Variants in DMD observed in about 807,000 individuals in gnomAD.
DMD encodes dystrophin, also known as mutant dystrophin.
A neutral mutation model predicts 330.1 loss-of-function variants in DMD; 63 were observed. The ratio of observed to expected loss-of-function variants is 0.19; its 90% CI spans 0.16 to 0.24. The LOEUF (loss-of-function observed/expected upper bound fraction) is 0.24, where lower values mean the gene tolerates loss of function less well. DMD is among the 10% of genes least tolerant of loss of function. The pLI is 1.00. For missense variants in DMD, 3,344 were observed against 2,684.1 expected (o/e 1.25, Z -5.43); for synonymous variants, 1,223 against 959.8 (o/e 1.27, Z -5.07).
chrX:32,802,204 C>A (rs1257041460), intron 7 of DMD, among the ~76,000 whole-genome samples: 1 of 111,516 alleles, frequency 9.0e-6, no homozygotes, highest in African/African-American at 3.3e-5. Flanking sequence ...GTTTGTAGTT[C>A]TCCTTGAAGA....
In DMD at chrX:32,508,879, T is replaced by C. The variant is rs777085000; in HGVS notation, c.2293-7037A>G. Among the ~76,000 whole-genome samples the C allele has an allele frequency of 2.8e-3, 312 of 110,731 alleles. 2 individuals are homozygous for C. Among genetic ancestry groups the C allele is most frequent in the Middle Eastern group, 9.4e-3 (2 of 213 alleles). On this transcript the variant is annotated intron_variant, in intron 18 of 78. Transcript: ENST00000357033. Reference sequence around the variant, plus strand: ...AGGCTGGAGTGCAGTGGCGCAATCTTGGCTCACTGCAAGCTCCGCCTCCCG... The same window carrying C: ...AGGCTGGAGTGCAGTGGCGCAATCTCGGCTCACTGCAAGCTCCGCCTCCCG...
intron 2 of DMD, among the ~76,000 whole-genome samples, chrX:32,850,063 T>C (rs1200656414): frequency 8.9e-6 from 1 of 111,981 alleles, no homozygotes; most frequent in Non-Finnish European, 1.9e-5. Flanking sequence ...ATACCCTAAA[T>C]GATCTAATTA....
chrX:31,955,194 A>C (rs1288917263), intron 45 of DMD, among the ~76,000 whole-genome samples: 1 of 111,149 alleles, frequency 9.0e-6, no homozygotes. Flanking sequence ...AAAGTTCATA[A>C]AAGCATATCA....
At chrX:32,967,013 T>A (rs1327368392) in intron 2 of DMD, among the ~76,000 whole-genome samples, 1 of 111,756 alleles carries the variant, frequency 8.9e-6, no homozygotes, top group African/African-American at 3.3e-5. Context: ...TAGGTTACAA[T>A]AAAATTCATG....
intron 53 of DMD, among the ~76,000 whole-genome samples, chrX:31,662,540 GT>G (rs1460683690): frequency 8.9e-6 from 1 of 112,192 alleles, no homozygotes; most frequent in Non-Finnish European, 1.9e-5. Context: ...TTTAAAATGT[GT>G]TTTGTGATAT....
intron 59 of DMD, among the ~76,000 whole-genome samples, chrX:31,476,391 GTGTGTGTA>G (rs1303671893): frequency 2.4e-5 from 2 of 82,725 alleles, no homozygotes; most frequent in Admixed American, 1.3e-4. Flanking sequence ...ATGTATGTGT[GTGTGTGTA>G]TATATATATA....
In DMD at chrX:32,340,523, T is replaced by G. The variant is rs752892338; in HGVS notation, c.5922+1577A>C. On this transcript the variant is annotated intron_variant, in intron 41 of 78. Transcript: ENST00000357033. ...AGTGGTTTATGGAGATTTTTGATCC[T>G]GTGCCTATTTAGCCATAAAGCATTA... Among the ~76,000 whole-genome samples, 3 of 111,575 alleles carry G rather than the reference T, an allele frequency of 2.7e-5. No individual in the cohort carries two copies. The South Asian group carries it at 1.1e-3, about 41-fold the overall frequency.
intron 2 of DMD, among the ~76,000 whole-genome samples, chrX:32,939,385 T>C (rs186619453): frequency 2.7e-5 from 3 of 110,289 alleles, no homozygotes; most frequent in Admixed American, 9.7e-5. Flanking sequence ...CTTCCTTATA[T>C]TGGCCAACCA....
At chrX:33,324,466 A>G (rs1284117762) in intron 1 of DMD, among the ~76,000 whole-genome samples, 1 of 111,997 alleles carries the variant, frequency 8.9e-6, no homozygotes, top group African/African-American at 3.2e-5. Context: ...CTTAATGCAT[A>G]CAGATTTTTG....
At chrX:32,150,709 A>G (rs1302238576) in intron 44 of DMD, among the ~76,000 whole-genome samples, 1 of 111,777 alleles carries the variant, frequency 8.9e-6, no homozygotes, top group Non-Finnish European at 1.9e-5. Context: ...AATTTCTGAT[A>G]TTTCTTTCAT....
intron 16 of DMD, among the ~76,000 whole-genome samples, chrX:32,563,678 A>G (rs902268667): frequency 4.5e-5 from 5 of 111,746 alleles, no homozygotes; most frequent in African/African-American, 9.8e-5. Context: ...TTTTCTACCA[A>G]TTGGAATAAT....
intron 1 of DMD, among the ~76,000 whole-genome samples, chrX:33,204,441 C>G (rs2051451771): frequency 8.9e-6 from 1 of 111,766 alleles, no homozygotes; most frequent in South Asian, 3.7e-4. Context: ...CAACTATACT[C>G]TAACCTCATT....
intron 43 of DMD, among the ~76,000 whole-genome samples, chrX:32,269,650 AAT>A (rs1172584307): frequency 3.6e-5 from 4 of 111,855 alleles, no homozygotes; most frequent in Non-Finnish European, 5.6e-5. Context: ...TCACCATCAC[AAT>A]ATGAGTATTA....
intron 56 of DMD, 61 bp downstream of exon 56, chrX:31,507,220 A>G (rs2071035532): frequency 1.8e-6 from 2 of 1,123,613 alleles, no homozygotes; most frequent in African/African-American, 3.6e-5. Context: ...TGCTAAGACA[A>G]TGAGGAAAAT....
At chrX:31,860,873 T>A (rs887683277) in intron 48 of DMD, among the ~76,000 whole-genome samples, 19 of 112,235 alleles carry the variant, frequency 1.7e-4, no homozygotes, top group African/African-American at 6.1e-4. Flanking sequence ...AAAAATTTTT[T>A]AAATCTCTAC....
At chrX:32,775,708 G>A (rs141578589) in intron 7 of DMD, among the ~76,000 whole-genome samples, 65 of 113,025 alleles carry the variant, frequency 5.8e-4, no homozygotes, top group African/African-American at 1.9e-3. Flanking sequence ...TCCCTTCTAG[G>A]CCTCTGGGCC....
intron 1 of DMD, among the ~76,000 whole-genome samples, chrX:33,056,759 C>T (rs1240135927): frequency 9.0e-6 from 1 of 111,706 alleles, no homozygotes; most frequent in Non-Finnish European, 1.9e-5. Context: ...GCCATATTTG[C>T]TTTGATCTAG....
chrX:31,443,904 C>T (rs984091858), intron 60 of DMD, among the ~76,000 whole-genome samples: 1 of 111,406 alleles, frequency 9.0e-6, no homozygotes, highest in African/African-American at 3.3e-5. Flanking sequence ...TTGGATGTTC[C>T]CTCTAACTCG....
chrX:32,145,767 C>T (rs887150270), intron 44 of DMD, among the ~76,000 whole-genome samples: 7 of 111,466 alleles, frequency 6.3e-5, no homozygotes, highest in African/African-American at 2.3e-4. Context: ...GAAGAAGCTA[C>T]CATATTACAG....
Sources: allele counts gnomAD v4.1 joint callset (sites outside exome capture counted in the v4.1 genomes callset), GRCh38; gene constraint gnomAD v4.1.1; transcripts MANE v1.5; gene names NCBI Gene and HGNC (gene_info 2026-07-23, HGNC 2026-07-21).